ZNF518A: variants seen among roughly 807,000 people sequenced by gnomAD.
ZNF518A encodes zinc finger protein 518A.
A neutral mutation model predicts 102.7 loss-of-function variants in ZNF518A; 47 were observed. The ratio of observed to expected loss-of-function variants is 0.46; its 90% CI spans 0.36 to 0.58. ZNF518A has a LOEUF of 0.58. ZNF518A is among the 20% of genes least tolerant of loss of function. The pLI, the probability that ZNF518A is intolerant of heterozygous loss-of-function variation, is 0.00. For synonymous variants in ZNF518A, 652 were observed against 594.6 expected, an observed-to-expected ratio of 1.10 and a Z score of -1.40; for missense variants, 1,793 against 1,699.8, an observed-to-expected ratio of 1.05 and a Z score of -0.96.
downstream of ZNF518A, chr10:96,204,865 G>A (rs2083754423): frequency 1.1e-5 from 5 of 455,242 alleles, no homozygotes; most frequent in Admixed American, 3.3e-5. Context: ...CACTGGCAAT[G>A]TACATAGAGA....
chr10:96,178,920 A>C (rs1554891733), intron 1 of ZNF518A, among the ~76,000 whole-genome samples: 2 of 152,262 alleles, frequency 1.3e-5, no homozygotes, highest in East Asian at 3.8e-4. Flanking sequence ...CATAATTGAA[A>C]ACCTTCACAC....
In ZNF518A at chr10:96,156,873, A is replaced by T; in HGVS notation, c.551A>T (p.Asn184Ile). Residue 184 changes from asparagine to isoleucine, a missense_variant, in exon 6 of 6, where the codon AAT becomes ATT. Physicochemically the swap from Asn to Ile is moderately radical, Grantham distance 149 (BLOSUM62 -3). Around this residue, in one of 3 missense-constraint regions of ZNF518A, gnomAD observed 1,741 missense variants for 1,622.6 expected, o/e 1.07. Transcript: ENST00000316045. ...TTAGTAAAATGTGACATTTGTAACAATGAGAGTGTATATACTTTACTGAAC... is the reference window on the plus strand; with the variant it reads ...TTAGTAAAATGTGACATTTGTAACATTGAGAGTGTATATACTTTACTGAAC... The part of the protein sequence containing the change: ...STLVKCDICN[N>I]ESVYTLLNLT... The T allele has an allele frequency of 6.2e-7, 1 of 1,613,860 alleles. No individual in the cohort carries two copies. Among genetic ancestry groups the T allele is most frequent in the Non-Finnish European group, 8.5e-7 (1 of 1,179,784 alleles).
At chr10:96,199,474 A>G in intron 1 of ZNF518A, 1 of 460,356 alleles carries the variant, frequency 2.2e-6, no homozygotes, top group Non-Finnish European at 4.4e-6. Flanking sequence ...AGCCTTCCAT[A>G]GACCTCCCCT....
downstream of ZNF518A, among the ~76,000 whole-genome samples, chr10:96,166,761 T>C (rs1554890426): frequency 6.6e-6 from 1 of 151,994 alleles, no homozygotes; most frequent in Non-Finnish European, 1.5e-5. Context: ...AGCGAGACTC[T>C]GTCTCAAAAA....
intron 3 of ZNF518A, among the ~76,000 whole-genome samples, chr10:96,146,639 A>C (rs1232133023): frequency 6.6e-6 from 1 of 152,248 alleles, no homozygotes; most frequent in African/African-American, 2.4e-5. Context: ...GACAAAATGC[A>C]CACTATGTAT....
chr10:96,156,494 C>T lies in ZNF518A; in HGVS notation c.172C>T (p.Pro58Ser). The change falls in exon 6 of 6, where the codon CCA (proline) becomes TCA (serine). Residue 58 changes from proline (P) to serine (S), a missense_variant. Pro to Ser is a moderately conservative substitution (Grantham distance 74). This residue lies in a region of ZNF518A where 1,741 missense variants were observed against 1,622.6 expected (regional missense o/e 1.07). Transcript: ENST00000316045. Reference sequence around the variant, plus strand: ...AATTGATTTGCCAAAAATAAATATTCCAAATGAAGTCCTATTGAAACATGA... The same window carrying T: ...AATTGATTTGCCAAAAATAAATATTTCAAATGAAGTCCTATTGAAACATGA... ...VKIDLPKINI[P>S]NEVLLKHEVD... The T allele has an allele frequency of 5.6e-6, 9 of 1,610,602 alleles. No homozygotes were observed. The highest frequency in any genetic ancestry group is 5.6e-5 in the South Asian group (5 of 89,720).
intron 3 of ZNF518A, among the ~76,000 whole-genome samples, chr10:96,147,440 A>G (rs1039995779): frequency 1.1e-4 from 16 of 152,154 alleles, no homozygotes; most frequent in Admixed American, 6.5e-4. Context: ...CTCCCAATGC[A>G]TATTATGTCA....
rs781810771 is a variant in ZNF518A, at chr10:96,158,567, A to G, written c.2245A>G (p.Lys749Glu). 10 of 1,613,220 alleles carry G rather than the reference A, an allele frequency of 6.2e-6. No individual in the cohort carries two copies. The highest frequency in any genetic ancestry group is 8.5e-6 in the Non-Finnish European group (10 of 1,179,654). Reference sequence around the variant, plus strand: ...TTTAGAGTGTGCGACTGAAAAATCTAAATGGGAAGACTTTTCTAATGTCGA... The same window carrying G: ...TTTAGAGTGTGCGACTGAAAAATCTGAATGGGAAGACTTTTCTAATGTCGA... ...QNLECATEKS[K>E]WEDFSNVDSP... Residue 749 changes from lysine to glutamate, a missense_variant, in exon 6 of 6, where the codon AAA becomes GAA. Lys to Glu is a moderately conservative substitution (Grantham distance 56). Coordinates refer to ENST00000316045, the MANE Select transcript of ZNF518A (RefSeq NM_001330736.2).
intron 1 of ZNF518A, among the ~76,000 whole-genome samples, chr10:96,173,527 A>G (rs587641003): frequency 6.6e-6 from 1 of 152,320 alleles, no homozygotes; most frequent in East Asian, 1.9e-4. Context: ...ATTATTAACT[A>G]TAAAGAGGGA....
intron 3 of ZNF518A, among the ~76,000 whole-genome samples, chr10:96,147,594 A>C (rs1172466861): frequency 2.0e-5 from 3 of 152,208 alleles, no homozygotes; most frequent in Non-Finnish European, 2.9e-5. Context: ...GGCAAAATGT[A>C]GAATTCTCGG....
intron 3 of ZNF518A, among the ~76,000 whole-genome samples, chr10:96,138,033 C>T (rs587623603): frequency 6.6e-6 from 1 of 152,130 alleles, no homozygotes; most frequent in African/African-American, 2.4e-5. Context: ...CTCTTTCTTT[C>T]AGAGAAAGCA....
chr10:96,190,828 T>A (rs1554893191), intron 1 of ZNF518A, among the ~76,000 whole-genome samples: 3 of 152,214 alleles, frequency 2.0e-5, no homozygotes, highest in Non-Finnish European at 4.4e-5. Flanking sequence ...CACGATGGTA[T>A]CTCTTTTATT....
chr10:96,183,441 G>A (rs1258283746), intron 1 of ZNF518A, among the ~76,000 whole-genome samples: 2 of 152,110 alleles, frequency 1.3e-5, no homozygotes, highest in East Asian at 1.9e-4. Context: ...GCTTTCTCTT[G>A]TGGGCATTTA....
At chr10:96,166,859 A>G (rs1320205847), downstream of ZNF518A, among the ~76,000 whole-genome samples, 2 of 152,238 alleles carry the variant, frequency 1.3e-5, no homozygotes, top group Admixed American at 6.5e-5. Context: ...GAAGGCTGCC[A>G]TCTCAGAGGA....
At position 96,179,753 on chromosome 10, in the gene ZNF518A, A is replaced by ATTCTTCTTCTTC. The variant is rs58052521; in HGVS notation, n.35+23719_35+23730dup. 1.4e-3 allele frequency among the ~76,000 whole-genome samples: 207 copies of ATTCTTCTTCTTC among 150,398 alleles called. 2 individuals are homozygous for ATTCTTCTTCTTC. In the South Asian group the frequency reaches 0.014, roughly 10 times the overall value. On this transcript the variant is annotated intron_variant and non_coding_transcript_variant, in intron 1 of 2. Coordinates refer to the ZNF518A transcript ENST00000442635. ...AAATAACACTTTTGAATCTTTTACA[A>ATTCTTCTTCTTC]TTCTTCTTCTTCTTCTTCTTCTTCC...
At position 96,161,799 on chromosome 10, in the gene ZNF518A, C is replaced by T; in HGVS notation, c.*1025C>T. On this transcript the variant is annotated 3_prime_UTR_variant, in exon 6 of 6. Transcript: ENST00000316045. ...ATGTCCAAATTAGGACAAAGCATTTCTGTTAGCTGCTTCTCAGTGTGACTG... is the reference window on the plus strand; with the variant it reads ...ATGTCCAAATTAGGACAAAGCATTTTTGTTAGCTGCTTCTCAGTGTGACTG... 1 of 167,048 alleles carries T rather than the reference C, an allele frequency of 6.0e-6. No homozygotes were observed. 10.3% of individuals were successfully genotyped at this position (167,048 alleles called of 1,614,324 possible).
At chr10:96,197,543 A>G in intron 1 of ZNF518A, among the ~76,000 whole-genome samples, 1 of 152,228 alleles carries the variant, frequency 6.6e-6, no homozygotes, top group Non-Finnish European at 1.5e-5. Context: ...GGGACACATT[A>G]AGATCAAATC....
chr10:96,175,803 A>G (rs960501956), intron 1 of ZNF518A, among the ~76,000 whole-genome samples: 2 of 152,078 alleles, frequency 1.3e-5, no homozygotes, highest in Admixed American at 1.3e-4. Context: ...GAAAGCCCTA[A>G]TAGCTAGTGG....
At chr10:96,171,533 A>G (rs2083173491) in intron 1 of ZNF518A, among the ~76,000 whole-genome samples, 1 of 152,186 alleles carries the variant, frequency 6.6e-6, no homozygotes, top group East Asian at 1.9e-4. Flanking sequence ...AGGTGTTTAA[A>G]GGAAATACAG....
Sources: gnomAD v4.1 joint callset for allele counts (sites outside exome capture counted in the v4.1 genomes callset) on GRCh38, gnomAD v4.1.1 for gene constraint, gnomAD v4.1.1 regional missense constraint, MANE v1.5 for transcripts, NCBI Gene and HGNC (gene_info 2026-07-23, HGNC 2026-07-21) for gene names.